SEMA6D: variants seen among roughly 807,000 people sequenced by gnomAD.
SEMA6D encodes the protein semaphorin 6D.
Under a neutral mutation model 106.6 loss-of-function variants are expected in SEMA6D, and 35 were observed. The ratio of observed to expected loss-of-function variants is 0.33; its 90% CI spans 0.25 to 0.44. The LOEUF (loss-of-function observed/expected upper bound fraction) is 0.44, where lower values mean the gene tolerates loss of function less well. SEMA6D is among the 20% of genes least tolerant of loss of function. SEMA6D has a pLI of 1.00. For missense variants in SEMA6D, 1,185 were observed against 1,345.9 expected (o/e 0.88, Z 1.87); for synonymous variants, 499 against 487.7 (o/e 1.02, Z -0.31).
At chr15:47,258,887 C>G (rs758288559) in intron 1 of SEMA6D, among the ~76,000 whole-genome samples, 7 of 151,550 alleles carry the variant, frequency 4.6e-5, no homozygotes, top group Non-Finnish European at 1.0e-4. Flanking sequence ...TGCTTGTTTC[C>G]TTTCATTCTT....
intron 1 of SEMA6D, among the ~76,000 whole-genome samples, chr15:47,251,416 G>A (rs1350052240): frequency 6.6e-6 from 1 of 152,088 alleles, no homozygotes; most frequent in African/African-American, 2.4e-5. Flanking sequence ...ATAATTTAAA[G>A]ATGACTGTGA....
At chr15:47,521,793 G>T (rs1350019704) in intron 3 of SEMA6D, among the ~76,000 whole-genome samples, 1 of 152,106 alleles carries the variant, frequency 6.6e-6, no homozygotes, top group Non-Finnish European at 1.5e-5. Flanking sequence ...AGACCATCCT[G>T]CCTAACACGG....
At chr15:47,577,099 C>T (rs1440352940) in intron 3 of SEMA6D, among the ~76,000 whole-genome samples, 1 of 152,190 alleles carries the variant, frequency 6.6e-6, no homozygotes, top group Non-Finnish European at 1.5e-5. Flanking sequence ...TAATTATAAA[C>T]ATTAGTAAGT....
chr15:47,213,648 T>A (rs1328033847), intron 1 of SEMA6D, among the ~76,000 whole-genome samples: 1 of 152,226 alleles, frequency 6.6e-6, no homozygotes, highest in Non-Finnish European at 1.5e-5. Flanking sequence ...TGGATTTTAC[T>A]AGCCTTACTT....
At chr15:47,472,793 T>C (rs1488056612) in intron 3 of SEMA6D, among the ~76,000 whole-genome samples, 2 of 152,162 alleles carry the variant, frequency 1.3e-5, no homozygotes, top group Non-Finnish European at 2.9e-5. Flanking sequence ...GTGGAAAATA[T>C]TGATTTGATT....
intron 4 of SEMA6D, among the ~76,000 whole-genome samples, chr15:47,647,719 C>CAAAAAAAAAAAAAAAAAAAAAAAAAA (rs777557315): frequency 1.1e-5 from 1 of 93,776 alleles, no homozygotes; most frequent in Non-Finnish European, 2.6e-5. Flanking sequence ...CAATTGTGGG[C>CAAAAAAAAAAAAAAAAAAAAAAAAAA]AAAAAAAAAA....
At chr15:47,443,607 A>C (rs900369326) in intron 2 of SEMA6D, among the ~76,000 whole-genome samples, 1 of 152,112 alleles carries the variant, frequency 6.6e-6, no homozygotes, top group Non-Finnish European at 1.5e-5. Context: ...TCTAATTCTT[A>C]CAAACCATGG....
At chr15:47,202,747 T>A (rs1894807289) in intron 1 of SEMA6D, among the ~76,000 whole-genome samples, 1 of 152,200 alleles carries the variant, frequency 6.6e-6, no homozygotes, top group African/African-American at 2.4e-5. Context: ...TTTCTCTTTC[T>A]GCCTTACGCC....
intron 3 of SEMA6D, among the ~76,000 whole-genome samples, chr15:47,590,671 GACAC>G (rs890487056): frequency 6.6e-6 from 1 of 152,110 alleles, no homozygotes; most frequent in African/African-American, 2.4e-5. Flanking sequence ...AGAGGAAGGA[GACAC>G]ACAGAGAGAA....
chr15:47,379,025 T>A (rs1272719329), intron 1 of SEMA6D, among the ~76,000 whole-genome samples: 1 of 152,240 alleles, frequency 6.6e-6, no homozygotes, highest in African/African-American at 2.4e-5. Flanking sequence ...GGTAGAATTA[T>A]GTTGGAAGAT....
chr15:47,600,656 G>A (rs961684214), intron 3 of SEMA6D, among the ~76,000 whole-genome samples: 1 of 152,056 alleles, frequency 6.6e-6, no homozygotes, highest in African/African-American at 2.4e-5. Flanking sequence ...ACTAATAATG[G>A]AATTCAATAG....
chr15:47,375,737 G>T (rs539124704), intron 1 of SEMA6D, among the ~76,000 whole-genome samples: 7 of 152,004 alleles, frequency 4.6e-5, no homozygotes, highest in Non-Finnish European at 1.0e-4. Context: ...AATTAATATG[G>T]GTGCATAGCA....
At chr15:47,343,878 A>T (rs1415209247) in intron 1 of SEMA6D, among the ~76,000 whole-genome samples, 1 of 152,186 alleles carries the variant, frequency 6.6e-6, no homozygotes, top group Non-Finnish European at 1.5e-5. Flanking sequence ...CAATGAACTC[A>T]AACAAATTTA....
intron 1 of SEMA6D, among the ~76,000 whole-genome samples, chr15:47,248,641 G>C (rs1288806139): frequency 6.6e-6 from 1 of 152,176 alleles, no homozygotes; most frequent in Non-Finnish European, 1.5e-5. Context: ...GGAGTCTTCT[G>C]CAGTTTTTTG....
At chr15:47,196,269 G>A (rs1894351684) in intron 1 of SEMA6D, among the ~76,000 whole-genome samples, 1 of 152,086 alleles carries the variant, frequency 6.6e-6, no homozygotes, top group Non-Finnish European at 1.5e-5. Context: ...TAGTGCCCTG[G>A]GAATGATTAA....
At chr15:47,444,985 G>C (rs1290673272) in intron 2 of SEMA6D, among the ~76,000 whole-genome samples, 3 of 152,154 alleles carry the variant, frequency 2.0e-5, no homozygotes, top group African/African-American at 4.8e-5. Context: ...CAGCTGGATG[G>C]ATGGGGAGCT....
intron 1 of SEMA6D, among the ~76,000 whole-genome samples, chr15:47,202,926 T>C (rs1894818890): frequency 6.6e-6 from 1 of 152,172 alleles, no homozygotes; most frequent in Non-Finnish European, 1.5e-5. Context: ...TCCACCATGG[T>C]GTATAAAATA....
At chr15:47,358,069 T>C (rs1256528702) in intron 1 of SEMA6D, among the ~76,000 whole-genome samples, 4 of 152,220 alleles carry the variant, frequency 2.6e-5, no homozygotes, top group Non-Finnish European at 5.9e-5. Flanking sequence ...GAGAATCATT[T>C]TCTCAGAGCC....
Position 47,761,182 on chromosome 15 carries a change from C to G in SEMA6D, c.307C>G (p.Gln103Glu). The G allele has an allele frequency of 6.2e-7, 1 of 1,613,788 alleles. No homozygotes were observed. ...NKKLTWRSRQ[Q>E]DRENCAMKGK... ...GAAACTGACATGGCGATCAAGACAA[C>G]AGGATCGAGAAAACTGTGCTATGAA... Residue 103 changes from glutamine (Q) to glutamate (E), a missense_variant, in exon 5 of 19, where the codon CAG (glutamine) becomes GAG (glutamate). Gln to Glu is a conservative substitution (Grantham distance 29). Transcript: ENST00000536845.
Sources: gnomAD v4.1 joint callset for allele counts (sites outside exome capture counted in the v4.1 genomes callset) on GRCh38, gnomAD v4.1.1 for gene constraint, MANE v1.5 for transcripts, NCBI Gene and HGNC (gene_info 2026-07-23, HGNC 2026-07-21) for gene names.